ANGPT1: variants seen among roughly 807,000 people sequenced by gnomAD.
ANGPT1 encodes the protein angiopoietin-1.
Under a neutral mutation model 62.2 loss-of-function variants are expected in ANGPT1, and 17 were observed. The ratio of observed to expected loss-of-function variants is 0.27; its 90% CI spans 0.19 to 0.41. ANGPT1 has a LOEUF of 0.41. Ranked by LOEUF, ANGPT1 falls within the 10% of genes least tolerant of loss-of-function variation. ANGPT1 has a pLI of 1.00. For synonymous variants in ANGPT1, 199 were observed against 198.9 expected (o/e 1.00, Z 0.00); for missense variants, 478 against 594.9 (o/e 0.80, Z 2.04).
At chr8:107,255,843 A>C (rs1331055143) in intron 8 of ANGPT1, among the ~76,000 whole-genome samples, 1 of 152,222 alleles carries the variant, frequency 6.6e-6, no homozygotes, top group Non-Finnish European at 1.5e-5. Flanking sequence ...CAGAATGTTT[A>C]GGCCAGAAAA....
intron 1 of ANGPT1, among the ~76,000 whole-genome samples, chr8:107,477,105 G>C (rs771314626): frequency 6.2e-4 from 94 of 152,020 alleles, no homozygotes; most frequent in Admixed American, 2.6e-4. Context: ...TTAAAAGTTT[G>C]ACAGTAAGTT....
At chr8:107,294,076 T>C (rs1221794130) in intron 5 of ANGPT1, 39 bp from the exon 6 acceptor site, 8 of 1,526,458 alleles carry the variant, frequency 5.2e-6, no homozygotes, top group African/African-American at 2.8e-5. Context: ...AAAATACTTC[T>C]ACTTTAAAAA....
chr8:107,293,357 G>C (rs985163708), intron 6 of ANGPT1, among the ~76,000 whole-genome samples: 3 of 152,120 alleles, frequency 2.0e-5, no homozygotes, highest in African/African-American at 7.2e-5. Context: ...GAATGCAATG[G>C]AAGTAACACT....
At chr8:107,381,979 G>A (rs963524085) in intron 1 of ANGPT1, among the ~76,000 whole-genome samples, 12 of 152,088 alleles carry the variant, frequency 7.9e-5, no homozygotes, top group Non-Finnish European at 1.5e-4. Flanking sequence ...AAGACATGCA[G>A]GAGTCTTGGC....
intron 1 of ANGPT1, among the ~76,000 whole-genome samples, chr8:107,483,762 T>G (rs1812745789): frequency 6.6e-6 from 1 of 152,322 alleles, no homozygotes; most frequent in South Asian, 2.1e-4. Flanking sequence ...AATACTGTAA[T>G]GAAGTGTTCC....
At chr8:107,337,234 TAAG>T (rs1489030390) in intron 2 of ANGPT1, among the ~76,000 whole-genome samples, 1 of 152,178 alleles carries the variant, frequency 6.6e-6, no homozygotes, top group Non-Finnish European at 1.5e-5. Context: ...CAAAGAAAAT[TAAG>T]GAGACGGTGA....
intron 1 of ANGPT1, among the ~76,000 whole-genome samples, chr8:107,481,721 G>T (rs1417320659): frequency 1.3e-5 from 2 of 152,046 alleles, no homozygotes; most frequent in Non-Finnish European, 2.9e-5. Context: ...CTTGGCAGAA[G>T]GCATCTCTTC....
chr8:107,377,028 C>A (rs754472855), intron 1 of ANGPT1, among the ~76,000 whole-genome samples: 8 of 152,104 alleles, frequency 5.3e-5, no homozygotes, highest in Non-Finnish European at 1.2e-4. Context: ...TACACAAATA[C>A]TTACAAGCAG....
At chr8:107,282,056 G>T (rs1490116181) in intron 7 of ANGPT1, among the ~76,000 whole-genome samples, 4 of 151,226 alleles carry the variant, frequency 2.6e-5, no homozygotes, top group African/African-American at 9.7e-5. Flanking sequence ...ATACAGGCAG[G>T]GAGAAAAGTT....
At chr8:107,373,740 T>G (rs943388870) in intron 1 of ANGPT1, among the ~76,000 whole-genome samples, 5 of 152,248 alleles carry the variant, frequency 3.3e-5, no homozygotes, top group East Asian at 3.8e-4. Context: ...AGTGCCTCAC[T>G]TTCCCTTCAG....
Position 107,346,546 on chromosome 8 carries a change from G to A in ANGPT1, c.453+396C>T, listed in dbSNP as rs78942300. On this transcript the variant is annotated intron_variant, in intron 2 of 8. Coordinates refer to ENST00000517746, the MANE Select transcript of ANGPT1 (RefSeq NM_001146.5). ...TTTCTATCTGCTGAATGCACAAACC[G>A]TCTGCAGGTGCCCTTATGGCTGCAG... Among the ~76,000 whole-genome samples the A allele has an allele frequency of 6.6e-3, 1,001 of 152,206 alleles. 1 individual carries two copies. The highest frequency in any genetic ancestry group is 0.011 in the East Asian group (58 of 5,176).
At chr8:107,432,059 T>A (rs1387057845) in intron 1 of ANGPT1, among the ~76,000 whole-genome samples, 2 of 151,872 alleles carry the variant, frequency 1.3e-5, no homozygotes, top group Admixed American at 1.3e-4. Flanking sequence ...ATTAATACCA[T>A]CATAAAATTA....
chr8:107,301,521 A>G (rs1814587714), intron 5 of ANGPT1, among the ~76,000 whole-genome samples: 1 of 151,898 alleles, frequency 6.6e-6, no homozygotes, highest in Admixed American at 6.6e-5. Flanking sequence ...AGAATAAGTT[A>G]TCTTCATCTC....
chr8:107,256,911 C>T (rs943753823), intron 8 of ANGPT1, among the ~76,000 whole-genome samples: 1 of 151,978 alleles, frequency 6.6e-6, no homozygotes, highest in Non-Finnish European at 1.5e-5. Flanking sequence ...GGCTGGAGTG[C>T]AGTGGCACAA....
At chr8:107,307,399 C>T (rs572882510) in intron 4 of ANGPT1, among the ~76,000 whole-genome samples, 6 of 152,200 alleles carry the variant, frequency 3.9e-5, no homozygotes, top group South Asian at 2.1e-4. Context: ...AAACTTCCTA[C>T]GACATTTCCT....
chr8:107,490,947 G>T (rs1013637223), intron 1 of ANGPT1, among the ~76,000 whole-genome samples: 4 of 152,142 alleles, frequency 2.6e-5, no homozygotes, highest in Non-Finnish European at 5.9e-5. Context: ...TGGAAACTCA[G>T]AATATTAATA....
chr8:107,309,804 C>T (rs1264563527), intron 4 of ANGPT1, among the ~76,000 whole-genome samples: 2 of 151,986 alleles, frequency 1.3e-5, no homozygotes, highest in Non-Finnish European at 1.5e-5. Context: ...TTTTAACCTA[C>T]AAAAATGGCA....
intron 1 of ANGPT1, among the ~76,000 whole-genome samples, chr8:107,458,947 C>T (rs1247612528): frequency 1.3e-5 from 2 of 152,090 alleles, no homozygotes; most frequent in Non-Finnish European, 2.9e-5. Flanking sequence ...AGTGTCACAG[C>T]CCAAATTCAA....
intron 1 of ANGPT1, among the ~76,000 whole-genome samples, chr8:107,365,967 A>C (rs1419016914): frequency 3.3e-5 from 5 of 152,064 alleles, no homozygotes; most frequent in Non-Finnish European, 7.4e-5. Flanking sequence ...TAAACACTAG[A>C]ACCCAGGTCT....
Sources: allele counts gnomAD v4.1 joint callset (sites outside exome capture counted in the v4.1 genomes callset), GRCh38; gene constraint gnomAD v4.1.1; transcripts MANE v1.5; gene names NCBI Gene and HGNC (gene_info 2026-07-23, HGNC 2026-07-21).